The following PASD1 variants were observed in gnomAD, a reference collection of about 807,000 sequenced individuals.
PASD1 encodes the protein circadian clock protein PASD1.
PASD1 carries 13 observed loss-of-function variants against 58.8 expected under a neutral mutation model. The ratio of observed to expected loss-of-function variants is 0.22; its 90% CI spans 0.14 to 0.35. The LOEUF (loss-of-function observed/expected upper bound fraction) is 0.35, where lower values mean the gene tolerates loss of function less well. Ranked by LOEUF, PASD1 falls within the 10% of genes least tolerant of loss-of-function variation. The pLI is 1.00. For synonymous variants in PASD1, 236 were observed against 216.7 expected (o/e 1.09, Z -0.78); for missense variants, 734 against 568.3 (o/e 1.29, Z -2.96).
intron 11 of PASD1, among the ~76,000 whole-genome samples, chrX:151,665,280 T>C (rs1297901429): frequency 1.8e-5 from 2 of 112,568 alleles, no homozygotes; most frequent in African/African-American, 6.5e-5. Context: ...TGTGGCCTGA[T>C]TTATGTCCTT....
rs760127696 is a variant in PASD1, at chrX:151,600,315, GA to G, written c.-27-1211del. 1.5e-4 allele frequency among the ~76,000 whole-genome samples: 16 copies of G among 108,409 alleles called. No individual in the cohort carries two copies. In the South Asian group the frequency reaches 5.1e-3, roughly 35 times the overall value. 94.1% of individuals were successfully genotyped at this position (108,409 alleles called of 115,157 possible). A position where few individuals can be genotyped will look rare whatever the true frequency, so the allele number is the denominator to read the frequency against. On this transcript the variant is annotated intron_variant, in intron 1 of 15. Transcript: ENST00000370357. Reference sequence around the variant, plus strand: ...TGCAAAGAGGGAGACGGGAGCGAGAGAGGGGGAGGGGGAGGGGGAGAGATTA... The same window carrying G: ...TGCAAAGAGGGAGACGGGAGCGAGAGGGGGGAGGGGGAGGGGGAGAGATTA...
At position 151,660,572 on chromosome X, in the gene PASD1, C is replaced by T. The variant is rs187363997; in HGVS notation, c.841+736C>T. On this transcript the variant is annotated intron_variant, in intron 10 of 15. Transcript: ENST00000370357. ...CAGGAGAGGTCAAACTCCATGAACTCATAATTGTGATTTCTAAAATTTATA... is the reference window on the plus strand; with the variant it reads ...CAGGAGAGGTCAAACTCCATGAACTTATAATTGTGATTTCTAAAATTTATA... 3.0e-3 allele frequency among the ~76,000 whole-genome samples: 341 copies of T among 112,429 alleles called. 3 individuals carry two copies. The highest frequency in any genetic ancestry group is 5.4e-3 in the Non-Finnish European group (286 of 53,262).
intron 15 of PASD1, among the ~76,000 whole-genome samples, chrX:151,675,050 C>T (rs762835896): frequency 2.7e-5 from 3 of 111,729 alleles, no homozygotes; most frequent in Non-Finnish European, 3.8e-5. Flanking sequence ...CCTATGGTTC[C>T]ATTACCAAGC....
At chrX:151,582,865 C>A (rs1019393559) in intron 1 of PASD1, among the ~76,000 whole-genome samples, 1 of 111,649 alleles carries the variant, frequency 9.0e-6, no homozygotes, top group African/African-American at 3.3e-5. Context: ...TTTACAGACA[C>A]TTTGTCAGCA....
chrX:151,600,726 G>A (rs1401562899), intron 1 of PASD1, among the ~76,000 whole-genome samples: 5 of 111,165 alleles, frequency 4.5e-5, no homozygotes, highest in Non-Finnish European at 9.4e-5. Context: ...TATACATAGG[G>A]AGAGGTGGTG....
At chrX:151,632,235 C>T (rs1194936394) in intron 8 of PASD1, among the ~76,000 whole-genome samples, 3 of 110,477 alleles carry the variant, frequency 2.7e-5, no homozygotes, top group Non-Finnish European at 5.7e-5. Flanking sequence ...TTGGCAATTC[C>T]CTGTGGTTCC....
At chrX:151,650,916 G>A (rs7061617) in intron 9 of PASD1, among the ~76,000 whole-genome samples, 3,017 of 111,289 alleles carry the variant, frequency 0.027, 94 homozygotes, top group African/African-American at 0.093. Context: ...GTTTGCTAGC[G>A]GAGTCCTAGA....
intron 2 of PASD1, among the ~76,000 whole-genome samples, chrX:151,601,986 T>C (rs929561535): frequency 7.1e-5 from 8 of 112,636 alleles, no homozygotes; most frequent in Admixed American, 2.8e-4. Context: ...CTAAAATAAA[T>C]TCAAGTACAC....
intron 8 of PASD1, among the ~76,000 whole-genome samples, chrX:151,636,039 A>G (rs1184817007): frequency 1.8e-5 from 2 of 111,424 alleles, no homozygotes; most frequent in Non-Finnish European, 3.8e-5. Context: ...AAGATATACA[A>G]TGTTTTCAGC....
In PASD1 at chrX:151,676,448, G is replaced by A. The variant is rs181655773; in HGVS notation, c.*305G>A. 1.7e-3 allele frequency: 396 copies of A among 237,114 alleles called. 1 individual carries two copies. The highest frequency in any genetic ancestry group is 0.011 in the African/African-American group (369 of 35,075). The allele number at this position is 237,114 out of a possible 1,213,427, so 19.5% of individuals were successfully genotyped here. The stretch of plus-strand genomic sequence containing the variant: ...CTTTGCATATCCATGTTCTACCACA[G>A]GAAGGTGGCCTGCCAAGAGTCTGCT... On this transcript the variant is annotated 3_prime_UTR_variant, in exon 16 of 16. Coordinates refer to ENST00000370357, the MANE Select transcript of PASD1 (RefSeq NM_173493.3).
chrX:151,676,000 C>A lies in PASD1; in HGVS notation c.2179C>A (p.Gln727Lys). Residue 727 changes from glutamine to lysine, a missense_variant, in exon 16 of 16, where the codon CAA becomes AAA. By Grantham distance (53) the Gln-to-Lys change is moderately conservative. Coordinates refer to ENST00000370357, the MANE Select transcript of PASD1 (RefSeq NM_173493.3). The part of the protein sequence containing the change: ...LHGQPTYHQV[Q>K]VSEVGVEGPP... The stretch of plus-strand genomic sequence containing the variant: ...TTGTTTCACTTTTTCCTGGCAGGTG[C>A]AAGTTTCTGAGGTAGGAGTCGAGGG... 2.5e-6 allele frequency: 3 copies of A among 1,210,811 alleles called. No homozygotes were observed. Among genetic ancestry groups the A allele is most frequent in the Non-Finnish European group, 3.4e-6 (3 of 894,959 alleles).
intron 8 of PASD1, among the ~76,000 whole-genome samples, chrX:151,628,909 C>T (rs1054083637): frequency 1.1e-4 from 12 of 111,340 alleles, no homozygotes; most frequent in African/African-American, 3.9e-4. Context: ...TCCTTCACAT[C>T]CCTTGTAAGT....
At chrX:151,648,119 G>T (rs2014083267) in intron 8 of PASD1, among the ~76,000 whole-genome samples, 1 of 110,455 alleles carries the variant, frequency 9.1e-6, no homozygotes, top group African/African-American at 3.3e-5. Context: ...ATACTTAATT[G>T]GTGAAAAGTA....
At chrX:151,639,918 A>C (rs1033137148) in intron 8 of PASD1, among the ~76,000 whole-genome samples, 1 of 112,213 alleles carries the variant, frequency 8.9e-6, no homozygotes, top group African/African-American at 3.2e-5. Context: ...CAAACTTCAA[A>C]TCATATCTCA....
At chrX:151,643,567 A>G (rs2014022444) in intron 8 of PASD1, among the ~76,000 whole-genome samples, 1 of 111,896 alleles carries the variant, frequency 8.9e-6, no homozygotes, top group Non-Finnish European at 1.9e-5. Context: ...TACACCTACT[A>G]TGTACACACA....
rs191537563 is a variant in PASD1, at chrX:151,664,933, C to T, written c.1071+585C>T. Among the ~76,000 whole-genome samples the T allele has an allele frequency of 3.7e-4, 41 of 112,060 alleles. No individual in the cohort carries two copies. In the East Asian group the frequency reaches 0.012, roughly 31 times the overall value. ...GTTCCTCTACCCTGAAATGTGTGTA[C>T]ATAACCACAGATTTCGATGATCATC... On this transcript the variant is annotated intron_variant, in intron 11 of 15. Transcript: ENST00000370357.
At chrX:151,602,913 A>G (rs755754405) in intron 2 of PASD1, among the ~76,000 whole-genome samples, 36 of 112,150 alleles carry the variant, frequency 3.2e-4, no homozygotes, top group Non-Finnish European at 5.8e-4. Flanking sequence ...TTCCTGTTTC[A>G]TGTTGCACTT....
intron 1 of PASD1, among the ~76,000 whole-genome samples, chrX:151,566,111 G>A (rs1200629064): frequency 2.7e-5 from 3 of 112,462 alleles, no homozygotes; most frequent in Non-Finnish European, 5.6e-5. Context: ...CACATATTCA[G>A]AAGTTCTGTT....
At chrX:151,586,137 T>G (rs1289825072) in intron 1 of PASD1, among the ~76,000 whole-genome samples, 1 of 111,581 alleles carries the variant, frequency 9.0e-6, no homozygotes, top group Non-Finnish European at 1.9e-5. Flanking sequence ...TAGAGAGCTT[T>G]CCTGGGCAAG....
Sources: gnomAD v4.1 joint callset for allele counts (sites outside exome capture counted in the v4.1 genomes callset) on GRCh38, gnomAD v4.1.1 for gene constraint, MANE v1.5 for transcripts, NCBI Gene and HGNC (gene_info 2026-07-23, HGNC 2026-07-21) for gene names.